The following RBMS3 variants were observed in gnomAD, a reference collection of about 807,000 sequenced individuals.
The protein encoded by RBMS3 is RNA-binding motif, single-stranded-interacting protein 3.
In RBMS3, 27 loss-of-function variants were observed where a neutral mutation model predicts 66.8. The observed-to-expected ratio is 0.40, with a 90% CI of 0.30 to 0.56. The LOEUF (loss-of-function observed/expected upper bound fraction) is 0.56. Among genes scored for constraint, RBMS3 ranks in the 20% least tolerant of loss-of-function variants. RBMS3 has a pLI of 0.40. For synonymous variants in RBMS3, 188 were observed against 183.0 expected (o/e 1.03, Z -0.22); for missense variants, 513 against 549.5 (o/e 0.93, Z 0.66).
At chr3:29,905,381 C>A (rs73831091) in intron 10 of RBMS3, among the ~76,000 whole-genome samples, 3,566 of 151,936 alleles carry the variant, frequency 0.023, 156 homozygotes, top group African/African-American at 0.082. Context: ...ATGTTGTTAC[C>A]TTTGAAGTTT....
At chr3:29,625,421 C>A (rs1419466547) in intron 4 of RBMS3, among the ~76,000 whole-genome samples, 1 of 152,080 alleles carries the variant, frequency 6.6e-6, no homozygotes, top group Non-Finnish European at 1.5e-5. Context: ...TTGCCAGGCA[C>A]AGTGGATCAC....
chr3:29,929,974 T>C (rs959689376), intron 10 of RBMS3, among the ~76,000 whole-genome samples: 7 of 151,970 alleles, frequency 4.6e-5, no homozygotes, highest in African/African-American at 1.7e-4. Flanking sequence ...TAGTCCTGTT[T>C]TCTTTCATTG....
In RBMS3 at chr3:29,364,486, A is replaced by G. The variant is rs1317755780; in HGVS notation, c.76-70257A>G. On this transcript the variant is annotated intron_variant, in intron 1 of 14. Coordinates refer to ENST00000383767, the MANE Select transcript of RBMS3 (RefSeq NM_001003793.3). Reference sequence around the variant, plus strand: ...AGCAAAGTATGAATAAGTATTTAAGAAGACAACCTAAATATATTAATTGAA... The same window carrying G: ...AGCAAAGTATGAATAAGTATTTAAGGAGACAACCTAAATATATTAATTGAA... 2.0e-5 allele frequency among the ~76,000 whole-genome samples: 3 copies of G among 152,168 alleles called. No individual in the cohort carries two copies. In the East Asian group the frequency reaches 5.8e-4, roughly 29 times the overall value.
At chr3:29,377,680 C>T (rs2125615889) in intron 1 of RBMS3, among the ~76,000 whole-genome samples, 1 of 152,324 alleles carries the variant, frequency 6.6e-6, no homozygotes, top group Middle Eastern at 3.4e-3. Context: ...TGTGTGCCCA[C>T]CTCTCAACCA....
intron 3 of RBMS3, among the ~76,000 whole-genome samples, chr3:29,548,921 G>T (rs966409009): frequency 6.6e-6 from 1 of 151,950 alleles, no homozygotes; most frequent in South Asian, 2.1e-4. Flanking sequence ...ATTCTCAAAT[G>T]TAAAAATGGT....
intron 12 of RBMS3, among the ~76,000 whole-genome samples, chr3:29,970,096 AT>A (rs1333250722): frequency 6.6e-6 from 1 of 152,218 alleles, no homozygotes; most frequent in Non-Finnish European, 1.5e-5. Context: ...CAGTTTAAAT[AT>A]AATTGGTTTT....
intron 6 of RBMS3, among the ~76,000 whole-genome samples, chr3:29,853,423 C>CTT (rs71091081): frequency 0.053 from 4,456 of 84,364 alleles, 688 homozygotes; most frequent in African/African-American, 0.2. Context: ...AATTTACTTT[C>CTT]TTTTTTTTTT....
In RBMS3 at chr3:29,759,720, C is replaced by G. The variant is rs544968237; in HGVS notation, c.558-3190C>G. ...CAAATATAGTCTCTTTCCTCCCCCC[C>G]CAGAGCTTTCTGGGTCTCAGTCTCA... On this transcript the variant is annotated intron_variant, in intron 5 of 14. Transcript: ENST00000383767. Among the ~76,000 whole-genome samples, 6 of 152,226 alleles carry G rather than the reference C, an allele frequency of 3.9e-5. No individual in the cohort carries two copies. The South Asian group carries it at 6.2e-4, about 16-fold the overall frequency.
chr3:29,391,625 A>G (rs1039748556), intron 1 of RBMS3, among the ~76,000 whole-genome samples: 59 of 152,290 alleles, frequency 3.9e-4, no homozygotes, highest in African/African-American at 1.3e-3. Flanking sequence ...TTTAAATCTG[A>G]CATCAGGCAA....
intron 4 of RBMS3, among the ~76,000 whole-genome samples, chr3:29,639,460 CT>C (rs1406295053): frequency 6.6e-6 from 1 of 151,820 alleles, no homozygotes; most frequent in African/African-American, 2.4e-5. Context: ...ACTAATACAT[CT>C]GTAAGGTTGA....
chr3:29,844,243 G>GTTT (rs1559730494), intron 6 of RBMS3, among the ~76,000 whole-genome samples: 2 of 151,822 alleles, frequency 1.3e-5, no homozygotes, highest in Admixed American at 6.6e-5. Flanking sequence ...TTTTTTTGTT[G>GTTT]TGTTTTGTTT....
At chr3:29,385,278 C>A (rs2038963910) in intron 1 of RBMS3, among the ~76,000 whole-genome samples, 1 of 152,140 alleles carries the variant, frequency 6.6e-6, no homozygotes, top group Admixed American at 6.5e-5. Flanking sequence ...AATCCTATTA[C>A]CGCAGGACTC....
At chr3:29,317,727 A>C (rs1031839069) in intron 1 of RBMS3, among the ~76,000 whole-genome samples, 1 of 151,862 alleles carries the variant, frequency 6.6e-6, no homozygotes, top group African/African-American at 2.4e-5. Context: ...AGGTCAAAAA[A>C]TACAGTAATG....
intron 4 of RBMS3, among the ~76,000 whole-genome samples, chr3:29,641,853 C>T (rs550116357): frequency 4.5e-4 from 69 of 152,136 alleles, no homozygotes; most frequent in African/African-American, 1.5e-3. Flanking sequence ...AGCAGAGGCA[C>T]AGTGAAATTT....
intron 4 of RBMS3, among the ~76,000 whole-genome samples, chr3:29,644,259 G>A (rs2049836006): frequency 6.6e-6 from 1 of 152,166 alleles, no homozygotes; most frequent in Admixed American, 6.5e-5. Context: ...AAGGAAATTT[G>A]AAATCCTGTG....
chr3:29,339,147 T>C (rs1033391269), intron 1 of RBMS3, among the ~76,000 whole-genome samples: 1 of 152,126 alleles, frequency 6.6e-6, no homozygotes, highest in Non-Finnish European at 1.5e-5. Context: ...AAGCCTGACT[T>C]CTCTAGGGCC....
At chr3:29,731,119 TA>T in intron 4 of RBMS3, 20 of 720,768 alleles carry the variant, frequency 2.8e-5, no homozygotes, top group Non-Finnish European at 3.4e-5. Flanking sequence ...GCCCAAGCCT[TA>T]AAGAATAGCC....
At chr3:29,973,108 T>C (rs1697329864) in intron 12 of RBMS3, among the ~76,000 whole-genome samples, 1 of 152,058 alleles carries the variant, frequency 6.6e-6, no homozygotes, top group Non-Finnish European at 1.5e-5. Flanking sequence ...TAAAGACTGA[T>C]AATAAATGTT....
At chr3:29,619,104 C>T (rs946739599) in intron 4 of RBMS3, among the ~76,000 whole-genome samples, 4 of 151,786 alleles carry the variant, frequency 2.6e-5, no homozygotes, top group African/African-American at 9.7e-5. Flanking sequence ...ACAATGAGAA[C>T]ACATGGACAC....
Sources: allele counts gnomAD v4.1 joint callset (sites outside exome capture counted in the v4.1 genomes callset), GRCh38; gene constraint gnomAD v4.1.1; transcripts MANE v1.5; gene names NCBI Gene and HGNC (gene_info 2026-07-23, HGNC 2026-07-21).